Variants in AXDND1 observed in about 807,000 individuals in gnomAD.
The protein encoded by AXDND1 is axonemal dynein light chain domain containing 1, also known as axonemal dynein light chain domain-containing protein 1.
AXDND1 carries 110 observed loss-of-function variants against 137.5 expected under a neutral mutation model. The ratio of observed to expected loss-of-function variants is 0.80; its 90% CI spans 0.69 to 0.94. AXDND1 has a LOEUF of 0.94. Among genes scored for constraint, AXDND1 ranks in the 40% least tolerant of loss-of-function variants. The pLI is 0.00. For missense variants in AXDND1, 1,191 were observed against 1,169.8 expected (o/e 1.02, Z -0.26); for synonymous variants, 414 against 399.7 (o/e 1.04, Z -0.43).
At chr1:179,447,272 T>A (rs886838773) in intron 16 of AXDND1, among the ~76,000 whole-genome samples, 30 of 152,192 alleles carry the variant, frequency 2.0e-4, no homozygotes, top group Non-Finnish European at 2.9e-5. Flanking sequence ...CTCCACAAGA[T>A]CAAATTTTTT....
chr1:179,486,321 GAAATTATGTAA>G (rs772957267), intron 18 of AXDND1, among the ~76,000 whole-genome samples: 1 of 152,072 alleles, frequency 6.6e-6, no homozygotes, highest in Non-Finnish European at 1.5e-5. Flanking sequence ...TGAGAAATAT[GAAATTATGTAA>G]AAATATCAAA....
intron 21 of AXDND1, among the ~76,000 whole-genome samples, chr1:179,511,946 T>C (rs1669102256): frequency 6.6e-6 from 1 of 152,184 alleles, no homozygotes; most frequent in South Asian, 2.1e-4. Context: ...TGGAGTTTGT[T>C]TTAGATTCTG....
chr1:179,406,739 T>C (rs150825330), intron 11 of AXDND1, among the ~76,000 whole-genome samples: 81 of 152,254 alleles, frequency 5.3e-4, no homozygotes, highest in African/African-American at 1.8e-3. Context: ...TTAGGCTATA[T>C]ATGTTTTCGC....
At chr1:179,495,800 G>T (rs1329731723) in intron 20 of AXDND1, among the ~76,000 whole-genome samples, 1 of 150,940 alleles carries the variant, frequency 6.6e-6, no homozygotes, top group South Asian at 2.1e-4. Context: ...GTATTAATTG[G>T]TCATCTTTAA....
rs142024294 is a variant in AXDND1, at chr1:179,511,705, C to T, written c.2496+2302C>T. On this transcript the variant is annotated intron_variant, in intron 21 of 25. Transcript: ENST00000367618. ...CAGTGTAGAAGTGTTCCTTGATGAC[C>T]GCATTCATGGCAACATCTACCGTTT... Among the ~76,000 whole-genome samples, 625 of 152,110 alleles carry T rather than the reference C, an allele frequency of 4.1e-3. 4 individuals carry two copies. The highest frequency in any genetic ancestry group is 0.014 in the African/African-American group (596 of 41,504).
chr1:179,407,230 C>CTT (rs1264397210), intron 11 of AXDND1, among the ~76,000 whole-genome samples: 1 of 144,172 alleles, frequency 6.9e-6, no homozygotes. Flanking sequence ...TTTTTTCTTT[C>CTT]TTTTTTTTTT....
chr1:179,399,568 A>C (rs1013747386), intron 11 of AXDND1, among the ~76,000 whole-genome samples: 3 of 152,218 alleles, frequency 2.0e-5, no homozygotes, highest in African/African-American at 2.4e-5. Context: ...AAACAAAGAT[A>C]TATATCTGGG....
At chr1:179,394,145 T>A (rs751798919) in intron 10 of AXDND1, 102 bp downstream of exon 10, 6 of 1,184,640 alleles carry the variant, frequency 5.1e-6, no homozygotes, top group Non-Finnish European at 6.9e-6. Flanking sequence ...AAGGCCAAGG[T>A]TCTTCTGTTT....
chr1:179,462,125 G>A (rs4652390), intron 16 of AXDND1, among the ~76,000 whole-genome samples: 46,911 of 151,750 alleles, frequency 0.31, 7,412 homozygotes, highest in Non-Finnish European at 0.33. Context: ...TCTTGTGCCA[G>A]TTTTCAAAGG....
Position 179,534,838 on chromosome 1 carries a change from A to C in AXDND1, c.2907A>C (p.Thr969=). 3 of 1,611,220 alleles carry C rather than the reference A, an allele frequency of 1.9e-6. No homozygotes were observed. Among genetic ancestry groups the C allele is most frequent in the African/African-American group, 1.3e-5 (1 of 74,788 alleles). ...AAGATCTAGAGGAATTAGTCATGAC[A>C]TCAAGAAAGGAGTCTAAAGAAGAGA... ...KNKDLEELVM[T]SRKESKEEKE... is the part of the protein sequence containing the mutation. The change falls in exon 25 of 26, where the codon ACA becomes ACC. Residue 969 remains threonine (T), a synonymous_variant. Transcript: ENST00000367618.
intron 20 of AXDND1, among the ~76,000 whole-genome samples, chr1:179,507,938 A>G (rs1427582390): frequency 6.6e-6 from 1 of 152,206 alleles, no homozygotes; most frequent in Non-Finnish European, 1.5e-5. Flanking sequence ...GAATTTAACC[A>G]TCAGTGACAT....
At position 179,448,301 on chromosome 1, in the gene AXDND1, A is replaced by T. The variant is rs550029917; in HGVS notation, c.1798+3097A>T. The T allele has an allele frequency of 1.2e-4, 89 of 762,738 alleles. No homozygotes were observed. In the African/African-American group the frequency reaches 1.4e-3, roughly 12 times the overall value. 47.2% of individuals were successfully genotyped at this position (762,738 alleles called of 1,614,324 possible). ...TGCTAGCATATTGAAAGAGTTTGTT[A>T]GAGCTGTTGAAAATGCACAGTCATA... On this transcript the variant is annotated intron_variant, in intron 16 of 25. Transcript: ENST00000367618.
intron 16 of AXDND1, chr1:179,454,428 C>T (rs932170230): frequency 6.6e-5 from 10 of 152,576 alleles, no homozygotes; most frequent in East Asian, 3.8e-4. Context: ...TGCCCAGTCT[C>T]GGGTATGTCT....
intron 16 of AXDND1, chr1:179,456,893 G>A (rs889134525): frequency 2.1e-5 from 21 of 980,736 alleles, no homozygotes; most frequent in Non-Finnish European, 3.4e-5. Context: ...AGGTTACAAA[G>A]GCAAAGCCTC....
intron 12 of AXDND1, among the ~76,000 whole-genome samples, chr1:179,427,124 A>G (rs1049057019): frequency 6.6e-6 from 1 of 152,214 alleles, no homozygotes; most frequent in South Asian, 2.1e-4. Flanking sequence ...AAATCATGCC[A>G]CTGCACTCCA....
At chr1:179,506,915 A>G in intron 20 of AXDND1, 1 of 985,266 alleles carries the variant, frequency 1.0e-6, no homozygotes, top group Non-Finnish European at 1.2e-6. Context: ...TACTCTCAAG[A>G]TGTTTTAGCA....
intron 21 of AXDND1, among the ~76,000 whole-genome samples, chr1:179,519,570 C>T (rs934385127): frequency 3.3e-5 from 5 of 152,070 alleles, no homozygotes; most frequent in Non-Finnish European, 7.4e-5. Flanking sequence ...TTGTATATGG[C>T]ATAAGGAAGG....
At chr1:179,443,403 A>G (rs1659287567) in intron 15 of AXDND1, among the ~76,000 whole-genome samples, 1 of 152,210 alleles carries the variant, frequency 6.6e-6, no homozygotes, top group Admixed American at 6.5e-5. Context: ...TAAAATATAT[A>G]CAACACAAAA....
chr1:179,528,639 C>CT (rs1558307261), intron 23 of AXDND1, among the ~76,000 whole-genome samples: 2 of 106,396 alleles, frequency 1.9e-5, no homozygotes, highest in African/African-American at 5.8e-5. Flanking sequence ...ATCTTTAAAC[C>CT]TCTTTTTTTT....
Sources: gnomAD v4.1 joint callset for allele counts (sites outside exome capture counted in the v4.1 genomes callset) on GRCh38, gnomAD v4.1.1 for gene constraint, MANE v1.5 for transcripts, NCBI Gene and HGNC (gene_info 2026-07-23, HGNC 2026-07-21) for gene names.